The following LSAMP variants were observed in gnomAD, a reference collection of about 807,000 sequenced individuals.
LSAMP encodes the protein limbic system associated membrane protein.
Under a neutral mutation model 38.6 loss-of-function variants are expected in LSAMP, and 7 were observed. The observed-to-expected ratio is 0.18, with a 90% CI of 0.10 to 0.34. The LOEUF is 0.34. Ranked by LOEUF, LSAMP falls within the 10% of genes least tolerant of loss-of-function variation. The probability of loss-of-function intolerance (pLI) is 1.00; values close to 1 mark genes in which losing one functional copy is unlikely to be tolerated. For synonymous variants in LSAMP, 154 were observed against 166.8 expected (o/e 0.92, Z 0.59); for missense variants, 313 against 420.0 (o/e 0.75, Z 2.23).
intron 1 of LSAMP, among the ~76,000 whole-genome samples, chr3:116,149,816 A>G (rs950238890): frequency 1.3e-5 from 2 of 152,028 alleles, no homozygotes; most frequent in African/African-American, 4.8e-5. Flanking sequence ...AAAAGGCTCT[A>G]TGAGTGACTG....
intron 3 of LSAMP, among the ~76,000 whole-genome samples, chr3:115,862,467 T>C (rs1196816830): frequency 6.6e-6 from 1 of 152,186 alleles, no homozygotes; most frequent in Non-Finnish European, 1.5e-5. Flanking sequence ...AATGACCTCA[T>C]ATAGGTTCAC....
chr3:116,286,888 A>C (rs1254474689), intron 1 of LSAMP, among the ~76,000 whole-genome samples: 1 of 141,900 alleles, frequency 7.0e-6, no homozygotes, highest in Non-Finnish European at 1.5e-5. Context: ...TTATCTCTCA[A>C]GTTAAAAAAA....
rs1372196153 is a variant in LSAMP, at chr3:116,115,985, T to C, written c.156-29429A>G. ...AAACTTATATTCAGTTCAGGAAAGT[T>C]TTATTGAACTATTACATTGTTAATT... On this transcript the variant is annotated intron_variant, in intron 1 of 6. Transcript: ENST00000490035. Among the ~76,000 whole-genome samples the C allele has an allele frequency of 2.6e-5, 4 of 152,010 alleles. No individual in the cohort carries two copies. In the East Asian group the frequency reaches 7.7e-4, roughly 29 times the overall value.
chr3:115,859,129 T>C (rs756679966), intron 3 of LSAMP, among the ~76,000 whole-genome samples: 2 of 152,180 alleles, frequency 1.3e-5, no homozygotes, highest in African/African-American at 2.4e-5. Flanking sequence ...GCTTCTCCGC[T>C]TCACATTCCA....
intron 1 of LSAMP, among the ~76,000 whole-genome samples, chr3:116,328,684 A>G (rs1331588121): frequency 6.6e-6 from 1 of 152,140 alleles, no homozygotes; most frequent in Non-Finnish European, 1.5e-5. Flanking sequence ...CCTTGTCAAC[A>G]AAGAAGGCCC....
chr3:116,098,264 C>T (rs559959380), intron 1 of LSAMP, among the ~76,000 whole-genome samples: 4 of 151,946 alleles, frequency 2.6e-5, no homozygotes, highest in South Asian at 2.1e-4. Flanking sequence ...TTTGGGAGGC[C>T]GAGGCAGGAG....
At chr3:116,203,766 T>C (rs1172705488) in intron 1 of LSAMP, among the ~76,000 whole-genome samples, 1 of 152,076 alleles carries the variant, frequency 6.6e-6, no homozygotes, top group Non-Finnish European at 1.5e-5. Flanking sequence ...TTCCATGGTG[T>C]ATATGTGCCA....
intron 3 of LSAMP, among the ~76,000 whole-genome samples, chr3:115,866,708 A>G (rs2107377331): frequency 6.6e-6 from 1 of 152,210 alleles, no homozygotes; most frequent in East Asian, 1.9e-4. Context: ...GTTACATTCA[A>G]ATGACATGTG....
intron 3 of LSAMP, among the ~76,000 whole-genome samples, chr3:115,912,923 G>A (rs1937166491): frequency 6.6e-6 from 1 of 152,092 alleles, no homozygotes; most frequent in African/African-American, 2.4e-5. Context: ...TACCTAGTCT[G>A]TTCTTCTCTC....
At chr3:116,426,076 G>T (rs2049191094) in intron 1 of LSAMP, among the ~76,000 whole-genome samples, 1 of 152,048 alleles carries the variant, frequency 6.6e-6, no homozygotes, top group Admixed American at 6.6e-5. Flanking sequence ...CAGATGAAAA[G>T]GTAAGTTTAA....
intron 1 of LSAMP, among the ~76,000 whole-genome samples, chr3:116,204,537 C>G (rs1023314545): frequency 2.7e-5 from 4 of 150,362 alleles, no homozygotes; most frequent in Admixed American, 6.6e-5. Context: ...GGTTTTAGGT[C>G]TAACATTTAA....
chr3:116,049,088 C>T (rs1941344694), intron 2 of LSAMP, among the ~76,000 whole-genome samples: 1 of 152,176 alleles, frequency 6.6e-6, no homozygotes, highest in Non-Finnish European at 1.5e-5. Context: ...ACAGTAAATA[C>T]ACTGTCTATG....
chr3:116,194,345 A>T (rs963929889), intron 1 of LSAMP, among the ~76,000 whole-genome samples: 10 of 152,102 alleles, frequency 6.6e-5, no homozygotes, highest in Admixed American at 2.6e-4. Context: ...ATCCCAAAGA[A>T]TCAAACTGCA....
At chr3:116,420,007 T>C (rs1399226779) in intron 1 of LSAMP, among the ~76,000 whole-genome samples, 4 of 152,230 alleles carry the variant, frequency 2.6e-5, no homozygotes, top group African/African-American at 4.8e-5. Flanking sequence ...AAGGCAGATA[T>C]ATCATTTCCT....
intron 3 of LSAMP, among the ~76,000 whole-genome samples, chr3:115,921,499 A>G (rs114608541): frequency 0.023 from 3,565 of 152,140 alleles, 159 homozygotes; most frequent in African/African-American, 0.079. Context: ...ATATCCTTTT[A>G]TAGCATTATT....
At chr3:116,324,516 T>C (rs1032818920) in intron 1 of LSAMP, among the ~76,000 whole-genome samples, 1 of 152,178 alleles carries the variant, frequency 6.6e-6, no homozygotes, top group Non-Finnish European at 1.5e-5. Flanking sequence ...TATAGACATT[T>C]ACAGAGTGTG....
intron 1 of LSAMP, among the ~76,000 whole-genome samples, chr3:116,159,187 T>C (rs1402648634): frequency 3.3e-5 from 5 of 152,122 alleles, no homozygotes; most frequent in African/African-American, 9.7e-5. Context: ...ATTCTGGACA[T>C]AGGACGTTGC....
intron 3 of LSAMP, among the ~76,000 whole-genome samples, chr3:116,003,051 C>T (rs13324181): frequency 0.042 from 6,405 of 152,118 alleles, 438 homozygotes; most frequent in African/African-American, 0.14. Flanking sequence ...ATAGCCACTA[C>T]CTTTATCAAG....
chr3:115,979,787 C>T lies in LSAMP; in HGVS notation c.514+39728G>A, dbSNP rs561600582. Among the ~76,000 whole-genome samples, 3 of 152,218 alleles carry T rather than the reference C, an allele frequency of 2.0e-5. No homozygotes were observed. In the East Asian group the frequency reaches 5.8e-4, roughly 29 times the overall value. ...GAATAAAGAACAGAGATTATTCCTT[C>T]TAATCATGGTGCATCTTCCATTGAC... On this transcript the variant is annotated intron_variant, in intron 3 of 6. Transcript: ENST00000490035.
Sources: gnomAD v4.1 joint callset for allele counts (sites outside exome capture counted in the v4.1 genomes callset) on GRCh38, gnomAD v4.1.1 for gene constraint, MANE v1.5 for transcripts, NCBI Gene and HGNC (gene_info 2026-07-23, HGNC 2026-07-21) for gene names.